OPA1: variants seen among roughly 807,000 people sequenced by gnomAD.
The protein encoded by OPA1 is dynamin-like GTPase OPA1, mitochondrial.
Under a neutral mutation model 152.9 loss-of-function variants are expected in OPA1, and 59 were observed. That is an observed-to-expected ratio of 0.39 (90% CI 0.31 to 0.48). OPA1 has a LOEUF of 0.48. Among genes scored for constraint, OPA1 ranks in the 20% least tolerant of loss-of-function variants. The probability of loss-of-function intolerance (pLI) is 0.96; values close to 1 mark genes in which losing one functional copy is unlikely to be tolerated. For missense variants in OPA1, 1,008 were observed against 1,216.8 expected (o/e 0.83, Z 2.55); for synonymous variants, 400 against 389.9 (o/e 1.03, Z -0.31).
intron 29 of OPA1, among the ~76,000 whole-genome samples, chr3:193,676,804 C>A (rs1455528707): frequency 1.3e-5 from 2 of 151,994 alleles, no homozygotes; most frequent in Non-Finnish European, 2.9e-5. Context: ...CACAGTGAAA[C>A]CCCGTCTCTA....
intron 25 of OPA1, among the ~76,000 whole-genome samples, chr3:193,660,183 CTTATT>C (rs1438903321): frequency 1.3e-5 from 2 of 152,086 alleles, no homozygotes; most frequent in Non-Finnish European, 2.9e-5. Flanking sequence ...TTTTTCTTGC[CTTATT>C]TTATTATCTT....
chr3:193,686,314 T>C (rs183751213), intron 29 of OPA1, among the ~76,000 whole-genome samples: 1 of 152,340 alleles, frequency 6.6e-6, no homozygotes, highest in Non-Finnish European at 1.5e-5. Flanking sequence ...TTCAAAGTAC[T>C]GTACCAGTCT....
intron 25 of OPA1, among the ~76,000 whole-genome samples, chr3:193,661,246 C>T (rs1715197503): frequency 6.6e-6 from 1 of 152,172 alleles, no homozygotes; most frequent in South Asian, 2.1e-4. Context: ...CACAGGATTT[C>T]AGGGCAGCAT....
At chr3:193,688,098 C>T (rs1721155305) in intron 29 of OPA1, among the ~76,000 whole-genome samples, 1 of 152,158 alleles carries the variant, frequency 6.6e-6, no homozygotes, top group South Asian at 2.1e-4. Flanking sequence ...CCCTCTTGAT[C>T]ACTAGTGTAG....
At chr3:193,679,716 G>A (rs528996989) in intron 29 of OPA1, among the ~76,000 whole-genome samples, 57 of 152,074 alleles carry the variant, frequency 3.7e-4, no homozygotes, top group African/African-American at 1.3e-3. Flanking sequence ...TTTTTGATAC[G>A]TGTTAAGGAT....
intron 1 of OPA1, among the ~76,000 whole-genome samples, chr3:193,604,405 A>G (rs1726907560): frequency 6.6e-6 from 1 of 152,202 alleles, no homozygotes; most frequent in South Asian, 2.1e-4. Flanking sequence ...TTAAGGAAAA[A>G]TTTGGAACCC....
In OPA1 at chr3:193,688,640, T is replaced by C. The variant is rs529395441; in HGVS notation, c.2984-3423T>C. On this transcript the variant is annotated intron_variant, in intron 29 of 30. Transcript: ENST00000361510. The stretch of plus-strand genomic sequence containing the variant: ...TAAAAAAGACCAAAGAGACTTAAAA[T>C]AACAGCATTTGCTTCGTCACTATGA... Among the ~76,000 whole-genome samples the C allele has an allele frequency of 2.6e-5, 4 of 152,116 alleles. No individual in the cohort carries two copies. The East Asian group carries it at 5.8e-4, about 22-fold the overall frequency.
chr3:193,665,013 CAAAG>C lies in OPA1; in HGVS notation c.2778+19_2778+22del, dbSNP rs759304748. The C allele has an allele frequency of 7.5e-7, 1 of 1,328,842 alleles. No individual in the cohort carries two copies. Among genetic ancestry groups the C allele is most frequent in the Non-Finnish European group, 1.1e-6 (1 of 921,464 alleles). 82.3% of individuals were successfully genotyped at this position (1,328,842 alleles called of 1,614,324 possible). Reference sequence around the variant, plus strand: ...GATTCTGAGGTAAGGTTTCCAAAAACAAAGAGAAGTATTTTTAAGCAACAGTTGT... The same window carrying C: ...GATTCTGAGGTAAGGTTTCCAAAAACAGAAGTATTTTTAAGCAACAGTTGT... On this transcript the variant is annotated intron_variant, in intron 27 of 30. Transcript: ENST00000361510.
chr3:193,668,675 C>G (rs1717244248), intron 29 of OPA1: 1 of 1,428,866 alleles, frequency 7.0e-7, no homozygotes, highest in Non-Finnish European at 9.3e-7. Context: ...ACCAACAGCC[C>G]CATGTGAACC....
At chr3:193,679,580 T>C (rs1468719381) in intron 29 of OPA1, among the ~76,000 whole-genome samples, 2 of 152,306 alleles carry the variant, frequency 1.3e-5, no homozygotes, top group East Asian at 1.9e-4. Context: ...GCTAATCATA[T>C]GTGTTACAGA....
intron 30 of OPA1, among the ~76,000 whole-genome samples, chr3:193,692,553 T>C (rs1404651386): frequency 1.3e-5 from 2 of 152,236 alleles, no homozygotes; most frequent in African/African-American, 4.8e-5. Context: ...ATAATTGTTC[T>C]TAATCCTTAT....
intron 1 of OPA1, among the ~76,000 whole-genome samples, chr3:193,596,351 C>CTTTA (rs1725538350): frequency 8.0e-5 from 11 of 137,740 alleles, no homozygotes; most frequent in African/African-American, 1.6e-4. Flanking sequence ...CTTTTCTTTT[C>CTTTA]TTTTCTTTTC....
At chr3:193,626,733 G>A (rs372285840) in intron 7 of OPA1, among the ~76,000 whole-genome samples, 136 of 152,240 alleles carry the variant, frequency 8.9e-4, no homozygotes, top group South Asian at 2.5e-3. Flanking sequence ...AACTCATTGC[G>A]TACATTTTTC....
chr3:193,651,628 C>T (rs1403006537), intron 21 of OPA1, among the ~76,000 whole-genome samples: 2 of 152,130 alleles, frequency 1.3e-5, no homozygotes, highest in South Asian at 2.1e-4. Context: ...GAGCAGATTA[C>T]TGCTCTATGG....
chr3:193,644,068 T>G lies in OPA1; in HGVS notation c.1571T>G (p.Val524Gly). ...AGAACCATATTCGTTTTGACCAAAG[T>G]AGACCTGGCAGAGAAAAATGTAGCC... ...GRRTIFVLTK[V>G]DLAEKNVASP... Residue 524 changes from valine (V) to glycine (G), a missense_variant, in exon 16 of 31, where the codon GTA becomes GGA. Val to Gly is a moderately radical substitution (Grantham distance 109). Transcript: ENST00000361510. The G allele has an allele frequency of 6.2e-7, 1 of 1,613,886 alleles. No individual in the cohort carries two copies. The highest frequency in any genetic ancestry group is 8.5e-7 in the Non-Finnish European group (1 of 1,179,824).
At chr3:193,628,388 T>C (rs1731512023) in intron 7 of OPA1, 2 of 152,154 alleles carry the variant, frequency 1.3e-5, no homozygotes, top group Non-Finnish European at 2.9e-5. Context: ...TACAATGACC[T>C]TTTTATATAT....
intron 7 of OPA1, among the ~76,000 whole-genome samples, chr3:193,626,599 CTAAAGAA>C (rs1337009612): frequency 6.6e-6 from 1 of 152,128 alleles, no homozygotes; most frequent in South Asian, 2.1e-4. Context: ...CCAGTTTACA[CTAAAGAA>C]TAACATTTAT....
Position 193,658,983 on chromosome 3 carries a change from C to T in OPA1, c.2428C>T (p.Arg810Cys). The change falls in exon 24 of 31, where the codon CGT (arginine) becomes TGT (cysteine). Residue 810 changes from arginine (R) to cysteine (C), a missense_variant. Arg to Cys is a radical substitution (Grantham distance 180). This residue lies in a region of OPA1 where 229 missense variants were observed against 269.0 expected (regional missense o/e 0.85). Coordinates refer to ENST00000361510, the MANE Select transcript of OPA1 (RefSeq NM_130837.3). ...TTTTATGGAAGAGGCTCTGCAGGCT[C>T]GTCTCAAGGATAGTAAGTGGAGACA... ...IYFMEEALQA[R>C]LKDTENAIEN... The T allele has an allele frequency of 5.0e-6, 8 of 1,611,000 alleles. No individual in the cohort carries two copies. The highest frequency in any genetic ancestry group is 1.1e-5 in the South Asian group (1 of 91,018).
intron 29 of OPA1, among the ~76,000 whole-genome samples, chr3:193,667,615 G>A (rs1288778643): frequency 6.8e-6 from 1 of 148,018 alleles, no homozygotes; most frequent in African/African-American, 2.5e-5. Context: ...AGCTTGCGGT[G>A]AGCCAAGATC....
Sources: gnomAD v4.1 joint callset for allele counts (sites outside exome capture counted in the v4.1 genomes callset) on GRCh38, gnomAD v4.1.1 for gene constraint, gnomAD v4.1.1 regional missense constraint, MANE v1.5 for transcripts, NCBI Gene and HGNC (gene_info 2026-07-23, HGNC 2026-07-21) for gene names.